TC2N: variants seen among roughly 807,000 people sequenced by gnomAD.
The protein encoded by TC2N is tandem C2 domains nuclear protein.
Under a neutral mutation model 61.9 loss-of-function variants are expected in TC2N, and 51 were observed. The observed-to-expected ratio is 0.82, with a 90% CI of 0.66 to 1.04. The LOEUF (loss-of-function observed/expected upper bound fraction) is 1.04, where lower values mean the gene tolerates loss of function less well. Ranked by LOEUF, TC2N falls within the 50% of genes least tolerant of loss-of-function variation. The probability of loss-of-function intolerance (pLI) is 0.00; values close to 1 mark genes in which losing one functional copy is unlikely to be tolerated. For missense variants in TC2N, 556 were observed against 566.7 expected, an observed-to-expected ratio of 0.98 and a Z score of 0.19; for synonymous variants, 204 against 192.6, an observed-to-expected ratio of 1.06 and a Z score of -0.49.
chr14:91,854,417 G>C (rs1888437887), intron 1 of TC2N, among the ~76,000 whole-genome samples: 1 of 135,606 alleles, frequency 7.4e-6, no homozygotes, highest in African/African-American at 2.9e-5. Flanking sequence ...AGGAGGAGGA[G>C]GGGGAGGGGG....
Position 91,861,705 on chromosome 14 carries a change from C to T in TC2N, c.-57+5557G>A, listed in dbSNP as rs140732609. On this transcript the variant is annotated intron_variant, in intron 1 of 11. Transcript: ENST00000435962. The stretch of plus-strand genomic sequence containing the variant: ...TGGGAGGCCAAGGTGTGTGGATCAC[C>T]TGAGGTCAGGAGTTCGAGACCAGAC... Among the ~76,000 whole-genome samples the T allele has an allele frequency of 5.7e-3, 865 of 151,622 alleles. 8 individuals are homozygous for T. The highest frequency in any genetic ancestry group is 0.02 in the African/African-American group (809 of 41,310).
In TC2N at chr14:91,787,542, A is replaced by G; in HGVS notation, c.1133T>C (p.Leu378Pro). 6.2e-7 allele frequency: 1 copy of G among 1,612,326 alleles called. No individual in the cohort carries two copies. Among genetic ancestry groups the G allele is most frequent in the Non-Finnish European group, 8.5e-7 (1 of 1,179,164 alleles). Residue 378 changes from leucine to proline, a missense_variant, in exon 10 of 12, where the codon CTT (leucine) becomes CCT (proline). Transcript: ENST00000435962. ...AGTCAGAGGTGTTGATGAGCTTGGAAGGTACCGTGCCTCAAGAATTTGTAA... is the reference window on the plus strand; with the variant it reads ...AGTCAGAGGTGTTGATGAGCTTGGAGGGTACCGTGCCTCAAGAATTTGTAA... The part of the protein sequence containing the change: ...IQLQILEARY[L>P]PSSSTPLTLS...
chr14:91,857,044 C>T (rs1888497245), intron 1 of TC2N, among the ~76,000 whole-genome samples: 1 of 152,174 alleles, frequency 6.6e-6, no homozygotes, highest in East Asian at 1.9e-4. Context: ...AAGCAAGAGA[C>T]CCATCTGCCA....
intron 1 of TC2N, among the ~76,000 whole-genome samples, chr14:91,841,155 C>T (rs1163580137): frequency 6.6e-6 from 1 of 152,210 alleles, no homozygotes; most frequent in Non-Finnish European, 1.5e-5. Flanking sequence ...ACATGATCAA[C>T]TCACCCAGGC....
At chr14:91,846,747 A>G (rs1376904141) in intron 1 of TC2N, among the ~76,000 whole-genome samples, 1 of 152,164 alleles carries the variant, frequency 6.6e-6, no homozygotes, top group African/African-American at 2.4e-5. Context: ...TTATTGCAAA[A>G]CCTTTGTATT....
chr14:91,856,506 C>G (rs1595279131), intron 1 of TC2N, among the ~76,000 whole-genome samples: 2 of 145,940 alleles, frequency 1.4e-5, no homozygotes, highest in Admixed American at 6.8e-5. Context: ...AAAAAAAAGA[C>G]AAGTTTAGGG....
At chr14:91,820,702 A>AT (rs1252305426) in intron 1 of TC2N, among the ~76,000 whole-genome samples, 1 of 101,882 alleles carries the variant, frequency 9.8e-6, no homozygotes, top group Non-Finnish European at 2.4e-5. Context: ...GATCTTGTAA[A>AT]TAAAAAAAAA....
intron 3 of TC2N, among the ~76,000 whole-genome samples, chr14:91,811,309 T>C (rs1000797819): frequency 5.9e-5 from 9 of 152,134 alleles, no homozygotes; most frequent in Non-Finnish European, 8.8e-5. Flanking sequence ...GTATAGTAAG[T>C]AATCTTAATG....
chr14:91,834,955 C>G (rs1887940446), intron 1 of TC2N, among the ~76,000 whole-genome samples: 1 of 152,182 alleles, frequency 6.6e-6, no homozygotes, highest in African/African-American at 2.4e-5. Context: ...TAAGTCTGAT[C>G]TTGACTTCAG....
rs1178124123 is a variant in TC2N, at chr14:91,792,389, A to T, written c.1025T>A (p.Ile342Lys). ...STQEMDYSLDITPPSKISVCH... is the reference protein window; with the variant it reads ...STQEMDYSLDKTPPSKISVCH... Reference sequence around the variant, plus strand: ...TACAGAAATTTTTGAAGGTGGTGTTATATCCAAAGAGTAATCCATTTCCTG... The same window carrying T: ...TACAGAAATTTTTGAAGGTGGTGTTTTATCCAAAGAGTAATCCATTTCCTG... Residue 342 changes from isoleucine (I) to lysine (K), a missense_variant, in exon 9 of 12, where the codon ATA (isoleucine) becomes AAA (lysine). Physicochemically the swap from Ile to Lys is moderately radical, Grantham distance 102. Transcript: ENST00000435962. 3.1e-6 allele frequency: 5 copies of T among 1,598,170 alleles called. No homozygotes were observed. The highest frequency in any genetic ancestry group is 4.3e-6 in the Non-Finnish European group (5 of 1,171,850).
intron 1 of TC2N, among the ~76,000 whole-genome samples, chr14:91,854,480 A>G (rs1595278210): frequency 3.4e-5 from 3 of 88,912 alleles, no homozygotes; most frequent in African/African-American, 1.5e-4. Flanking sequence ...AGGAGGAGAT[A>G]GGGGAGGTGG....
chr14:91,817,009 G>A (rs920646686), intron 1 of TC2N, among the ~76,000 whole-genome samples: 4 of 151,762 alleles, frequency 2.6e-5, no homozygotes, highest in Non-Finnish European at 4.4e-5. Flanking sequence ...GTCTGTTCTC[G>A]AAAATGAACT....
At chr14:91,786,860 T>C (rs1039590194) in intron 10 of TC2N, among the ~76,000 whole-genome samples, 1 of 152,218 alleles carries the variant, frequency 6.6e-6, no homozygotes, top group African/African-American at 2.4e-5. Context: ...ATCTGTCACC[T>C]TCAACTTTAG....
intron 1 of TC2N, among the ~76,000 whole-genome samples, chr14:91,830,664 A>AC (rs1555371704): frequency 9.2e-5 from 14 of 151,718 alleles, no homozygotes; most frequent in Non-Finnish European, 1.5e-4. Context: ...ACAAAAAAAA[A>AC]CCCCACTGAA....
chr14:91,797,792 C>A lies in TC2N; in HGVS notation c.848G>T (p.Gly283Val), dbSNP rs370707983. ...PVHFKSSAKE[G>V]SNAIEFMETF... ...ATACAAACAGCCACTTACGTTGGAA[C>A]CTTCCTTGGCTGAAGATTTGAAATG... Residue 283 changes from glycine (G) to valine (V), a missense_variant, in exon 8 of 12, where the codon GGT (glycine) becomes GTT (valine). Physicochemically the swap from Gly to Val is moderately radical, Grantham distance 109 (BLOSUM62 -3). Coordinates refer to ENST00000435962, the MANE Select transcript of TC2N (RefSeq NM_001128596.3). 2.1e-5 allele frequency: 34 copies of A among 1,584,590 alleles called. No individual in the cohort carries two copies. Among genetic ancestry groups the A allele is most frequent in the African/African-American group, 1.9e-4 (14 of 72,716 alleles).
intron 1 of TC2N, among the ~76,000 whole-genome samples, chr14:91,830,344 C>T (rs139490865): frequency 2.3e-4 from 35 of 152,278 alleles, no homozygotes; most frequent in African/African-American, 8.4e-4. Flanking sequence ...GGTATACAGC[C>T]ATATGATGGA....
intron 9 of TC2N, 139 bp from the exon 10 acceptor site, chr14:91,787,766 C>T (rs1472610097): frequency 6.9e-6 from 4 of 578,830 alleles, no homozygotes; most frequent in African/African-American, 5.7e-5. Flanking sequence ...AGTTACAAGA[C>T]AAAGTTATGA....
chr14:91,816,743 T>C (rs1454583882), intron 1 of TC2N, among the ~76,000 whole-genome samples: 4 of 151,894 alleles, frequency 2.6e-5, no homozygotes, highest in Non-Finnish European at 4.4e-5. Context: ...CAATTCGCTA[T>C]CTCATTAGCA....
At chr14:91,815,136 A>G (rs1400307813) in intron 1 of TC2N, among the ~76,000 whole-genome samples, 1 of 151,696 alleles carries the variant, frequency 6.6e-6, no homozygotes, top group Non-Finnish European at 1.5e-5. Context: ...AGGAAAGTTT[A>G]TTCATTATTA....
Sources: allele counts gnomAD v4.1 joint callset (sites outside exome capture counted in the v4.1 genomes callset), GRCh38; gene constraint gnomAD v4.1.1; transcripts MANE v1.5; gene names NCBI Gene and HGNC (gene_info 2026-07-23, HGNC 2026-07-21).